Variants in NCAM1 observed in about 807,000 individuals in gnomAD.
The protein encoded by NCAM1 is antigen recognized by monoclonal antibody 5.1H11.
Under a neutral mutation model 109.8 loss-of-function variants are expected in NCAM1, and 14 were observed. The ratio of observed to expected loss-of-function variants is 0.13; its 90% CI spans 0.08 to 0.20. The LOEUF (loss-of-function observed/expected upper bound fraction) is 0.20. Among genes scored for constraint, NCAM1 ranks in the 10% least tolerant of loss-of-function variants. The probability of loss-of-function intolerance (pLI) is 1.00; values close to 1 mark genes in which losing one functional copy is unlikely to be tolerated. For synonymous variants in NCAM1, 418 were observed against 442.9 expected, an observed-to-expected ratio of 0.94 and a Z score of 0.70; for missense variants, 774 against 1,109.9, an observed-to-expected ratio of 0.70 and a Z score of 4.30.
chr11:113,249,480 G>T (rs1483238936), intron 15 of NCAM1, among the ~76,000 whole-genome samples: 3 of 152,104 alleles, frequency 2.0e-5, no homozygotes, highest in African/African-American at 7.3e-5. Context: ...GAAACTGCCA[G>T]TTCCCTTAGG....
Position 113,235,026 on chromosome 11 carries a change from A to G in NCAM1, c.1694-7A>G. On this transcript the variant is annotated splice_region_variant and splice_polypyrimidine_tract_variant and intron_variant, in intron 13 of 19. Coordinates refer to ENST00000316851, the MANE Select transcript of NCAM1 (RefSeq NM_181351.5). ...ACTCTTTTGTCATCCTTCCCATATT[A>G]TAACAGCCAGCATGGAGGGCATCGT... The G allele has an allele frequency of 6.5e-7, 1 of 1,549,414 alleles. No homozygotes were observed. Among genetic ancestry groups the G allele is most frequent in the Non-Finnish European group, 8.7e-7 (1 of 1,144,710 alleles).
In NCAM1 at chr11:113,211,241, G is replaced by C. The variant is rs188884375; in HGVS notation, c.917-3128G>C. On this transcript the variant is annotated intron_variant, in intron 7 of 19. Transcript: ENST00000316851. ...CCATCACTGGGGGAGAAATGGGACA[G>C]GTTCTGCAAGTGGGAGTAGAGTCTA... Among the ~76,000 whole-genome samples, 353 of 152,280 alleles carry C rather than the reference G, an allele frequency of 2.3e-3. 10 individuals carry two copies. The highest frequency in any genetic ancestry group is 0.022 in the South Asian group (107 of 4,828).
At chr11:113,192,180 A>T (rs1198883946) in intron 1 of NCAM1, among the ~76,000 whole-genome samples, 2 of 152,214 alleles carry the variant, frequency 1.3e-5, no homozygotes, top group Non-Finnish European at 2.9e-5. Flanking sequence ...TCAAGGTTTC[A>T]GGAGAGCAGA....
chr11:113,216,146 ATTTTTTTTTT>A (rs34687568), intron 8 of NCAM1, among the ~76,000 whole-genome samples: 174 of 101,508 alleles, frequency 1.7e-3, no homozygotes, highest in Middle Eastern at 5.7e-3. Flanking sequence ...CTATGATTTC[ATTTTTTTTTT>A]TTTTTTTTTT....
rs1555102457 is a variant in NCAM1, at chr11:113,151,544, T to C, written c.53-50835T>C. On this transcript the variant is annotated intron_variant, in intron 1 of 19. Transcript: ENST00000316851. ...CTTTTAAGGCAGGTTTGCCATTGTG[T>C]AGAAAAAGCCATAGAACTTCCTGAT... is the stretch of plus-strand genomic sequence containing the variant. Among the ~76,000 whole-genome samples the C allele has an allele frequency of 2.0e-5, 3 of 152,332 alleles. No homozygotes were observed. The East Asian group carries it at 5.8e-4, about 29-fold the overall frequency.
chr11:113,037,063 C>T (rs1952911141), intron 1 of NCAM1, among the ~76,000 whole-genome samples: 1 of 152,166 alleles, frequency 6.6e-6, no homozygotes, highest in Non-Finnish European at 1.5e-5. Context: ...AGATCCTCCT[C>T]CTCCAGTCTT....
At chr11:113,168,592 A>G (rs1942887117) in intron 1 of NCAM1, among the ~76,000 whole-genome samples, 1 of 152,186 alleles carries the variant, frequency 6.6e-6, no homozygotes, top group Non-Finnish European at 1.5e-5. Context: ...TTACCTAGTA[A>G]TTAATGTACT....
At chr11:113,228,814 C>G (rs1447164492) in intron 9 of NCAM1, among the ~76,000 whole-genome samples, 9 of 152,046 alleles carry the variant, frequency 5.9e-5, no homozygotes, top group East Asian at 1.9e-4. Context: ...ACAAACCTGA[C>G]AAAAACAAGC....
intron 1 of NCAM1, among the ~76,000 whole-genome samples, chr11:113,120,935 C>A (rs115820688): frequency 8.5e-5 from 13 of 152,128 alleles, no homozygotes; most frequent in African/African-American, 2.9e-4. Context: ...GACCTGAGAA[C>A]AGAGGATGGT....
At chr11:113,103,824 C>A (rs1555091966) in intron 1 of NCAM1, among the ~76,000 whole-genome samples, 1 of 152,068 alleles carries the variant, frequency 6.6e-6, no homozygotes, top group Non-Finnish European at 1.5e-5. Flanking sequence ...AATGAAGGGG[C>A]AGGGGTGTGT....
chr11:113,018,268 T>C (rs1952271068), intron 1 of NCAM1, among the ~76,000 whole-genome samples: 1 of 152,168 alleles, frequency 6.6e-6, no homozygotes, highest in Admixed American at 6.5e-5. Context: ...ATGTTCACTT[T>C]ATTGTGTAAC....
chr11:113,207,848 A>C lies in NCAM1; in HGVS notation c.762A>C (p.Ile254=). 1 of 1,610,906 alleles carries C rather than the reference A, an allele frequency of 6.2e-7. No individual in the cohort carries two copies. Among genetic ancestry groups the C allele is most frequent in the Admixed American group, 1.7e-5 (1 of 59,666 alleles). The change falls in exon 7 of 20, where the codon ATA becomes ATC. Residue 254 remains isoleucine, a synonymous_variant. Transcript: ENST00000316851. The stretch of plus-strand genomic sequence containing the variant: ...CATGCTCTAGGGATGGGGAACAGAT[A>C]GAGCAAGAGGAAGACGATGAGAAGT... ...TMSWTKDGEQ[I]EQEEDDEKYI...
intron 1 of NCAM1, among the ~76,000 whole-genome samples, chr11:113,079,335 G>A (rs1357361867): frequency 6.6e-6 from 1 of 152,186 alleles, no homozygotes; most frequent in African/African-American, 2.4e-5. Context: ...GTAAGTTGTA[G>A]AGTAAGCCTC....
At chr11:113,084,629 T>C (rs1938996109) in intron 1 of NCAM1, among the ~76,000 whole-genome samples, 1 of 152,294 alleles carries the variant, frequency 6.6e-6, no homozygotes, top group East Asian at 1.9e-4. Flanking sequence ...GAGAGTCAGG[T>C]CCTCTGCCTC....
intron 1 of NCAM1, among the ~76,000 whole-genome samples, chr11:113,198,540 T>A: frequency 6.6e-6 from 1 of 152,026 alleles, no homozygotes; most frequent in Non-Finnish European, 1.5e-5. Context: ...TCCAGCTAAT[T>A]TTTTGTACTT....
Position 113,222,099 on chromosome 11 carries a change from T to C in NCAM1, c.1089+774T>C, listed in dbSNP as rs530260504. Among the ~76,000 whole-genome samples, 90 of 152,342 alleles carry C rather than the reference T, an allele frequency of 5.9e-4. No homozygotes were observed. The South Asian group carries it at 0.011, about 19-fold the overall frequency. ...TGACTATAATTTTTTACCCGATTTA[T>C]ATGAAGTAACATATAGTGAAAATGA... On this transcript the variant is annotated intron_variant, in intron 9 of 19. Coordinates refer to ENST00000316851, the MANE Select transcript of NCAM1 (RefSeq NM_181351.5).
chr11:113,116,048 C>A (rs1940692386), intron 1 of NCAM1, among the ~76,000 whole-genome samples: 1 of 152,142 alleles, frequency 6.6e-6, no homozygotes. Flanking sequence ...ATACAAAAAT[C>A]TAGGCTTAAG....
At chr11:113,150,635 A>G (rs1031178173) in intron 1 of NCAM1, among the ~76,000 whole-genome samples, 2 of 152,216 alleles carry the variant, frequency 1.3e-5, no homozygotes, top group African/African-American at 2.4e-5. Context: ...ACAAACCGAC[A>G]TCAGCCAGTT....
At chr11:113,100,164 T>G (rs555482854) in intron 1 of NCAM1, among the ~76,000 whole-genome samples, 1 of 152,238 alleles carries the variant, frequency 6.6e-6, no homozygotes, top group African/African-American at 2.4e-5. Flanking sequence ...TGGGGTTTGT[T>G]GTTGAGACAG....
Sources: allele counts gnomAD v4.1 joint callset (sites outside exome capture counted in the v4.1 genomes callset), GRCh38; gene constraint gnomAD v4.1.1; transcripts MANE v1.5; gene names NCBI Gene and HGNC (gene_info 2026-07-23, HGNC 2026-07-21).